USP1: variants seen among roughly 807,000 people sequenced by gnomAD.
USP1 encodes ubiquitin carboxyl-terminal hydrolase 1.
USP1 carries 18 observed loss-of-function variants against 72.2 expected under a neutral mutation model. That is an observed-to-expected ratio of 0.25 (90% CI 0.17 to 0.37). The LOEUF is 0.37. USP1 is among the 10% of genes least tolerant of loss of function. USP1 has a pLI of 1.00. For synonymous variants in USP1, 354 were observed against 303.7 expected, an observed-to-expected ratio of 1.17 and a Z score of -1.72; for missense variants, 759 against 884.9, an observed-to-expected ratio of 0.86 and a Z score of 1.81.
chr1:62,444,925 A>G lies in USP1; in HGVS notation c.745A>G (p.Ile249Val). The G allele has an allele frequency of 1.2e-6, 2 of 1,613,824 alleles. No homozygotes were observed. The highest frequency in any genetic ancestry group is 2.2e-5 in the South Asian group (2 of 91,062). ...AGAGGAAATGAATGGTATTAACAGCATAGAGATGGACAGTATGAGGCATTC... is the reference window on the plus strand; with the variant it reads ...AGAGGAAATGAATGGTATTAACAGCGTAGAGATGGACAGTATGAGGCATTC... The part of the protein sequence containing the change: ...PKEEMNGINS[I>V]EMDSMRHSED... The change falls in exon 6 of 9, where the codon ATA (isoleucine) becomes GTA (valine). Residue 249 changes from isoleucine (I) to valine (V), a missense_variant. Ile to Val is a conservative substitution (Grantham distance 29, BLOSUM62 3). Transcript: ENST00000339950.
In USP1 at chr1:62,445,144, A is replaced by G; in HGVS notation, c.964A>G (p.Ile322Val). 1.9e-6 allele frequency: 3 copies of G among 1,613,658 alleles called. No individual in the cohort carries two copies. The highest frequency in any genetic ancestry group is 2.5e-6 in the Non-Finnish European group (3 of 1,179,884). Reference sequence around the variant, plus strand: ...TCCTCCTAAAATAATTCCCAAGTATATTTCTGAAAATGAGAGTCCAAGACC... The same window carrying G: ...TCCTCCTAAAATAATTCCCAAGTATGTTTCTGAAAATGAGAGTCCAAGACC... Reference protein sequence around the residue: ...ESPPKIIPKYISENESPRPSQ... With the variant: ...ESPPKIIPKYVSENESPRPSQ... Residue 322 changes from isoleucine to valine, a missense_variant, in exon 6 of 9, where the codon ATT becomes GTT. Ile to Val is a conservative substitution (Grantham distance 29, BLOSUM62 3). Coordinates refer to ENST00000339950, the MANE Select transcript of USP1 (RefSeq NM_003368.5).
chr1:62,438,459 C>T (rs189235262), intron 1 of USP1, among the ~76,000 whole-genome samples: 4 of 152,228 alleles, frequency 2.6e-5, no homozygotes, highest in Non-Finnish European at 5.9e-5. Flanking sequence ...GAAATGGTTT[C>T]AGTGTGCTGA....
Position 62,442,310 on chromosome 1 carries a change from TAAAG to T in USP1, c.396+14_396+17del, listed in dbSNP as rs1645139637. The T allele has an allele frequency of 2.6e-6, 4 of 1,549,776 alleles. No homozygotes were observed. Among genetic ancestry groups the T allele is most frequent in the African/African-American group, 1.4e-5 (1 of 71,992 alleles). ...AATCAAAAAGACAAGGTAAGAAAAATAAAGAACAGAAAATAATGTAAAAAGCAAA... is the reference window on the plus strand; with the variant it reads ...AATCAAAAAGACAAGGTAAGAAAAATAACAGAAAATAATGTAAAAAGCAAA... On this transcript the variant is annotated intron_variant, in intron 4 of 8. Transcript: ENST00000339950.
chr1:62,444,126 G>T (rs1053987886), intron 5 of USP1, among the ~76,000 whole-genome samples: 1 of 151,958 alleles, frequency 6.6e-6, no homozygotes, highest in African/African-American at 2.4e-5. Context: ...GGGTGTGGTG[G>T]TTTGCACCTG....
In USP1 at chr1:62,451,178, C is replaced by T. The variant is rs1414304072; in HGVS notation, c.*197C>T. ...TAGAACTCATTTTCCTCAGTAGAGA[C>T]TAGTGATGCATTAGCTTCTGGGAAC... On this transcript the variant is annotated 3_prime_UTR_variant, in exon 9 of 9. Transcript: ENST00000339950. 1.8e-4 allele frequency: 90 copies of T among 498,604 alleles called. No individual in the cohort carries two copies. The highest frequency in any genetic ancestry group is 3.2e-6 in the Non-Finnish European group (1 of 308,476). 30.9% of individuals were successfully genotyped at this position (498,604 alleles called of 1,614,324 possible).
At chr1:62,443,009 A>G (rs1645144322) in intron 4 of USP1, 150 bp from the exon 5 acceptor site, 2 of 849,606 alleles carry the variant, frequency 2.4e-6, no homozygotes, top group South Asian at 2.2e-5. Context: ...AAATAAAAAA[A>G]TAAAAAATAA....
rs199623389 is a variant in USP1 at position 62,444,654 on chromosome 1, CCT to C, written c.558-83_558-82del. 1.7e-3 allele frequency: 1,788 copies of C among 1,069,034 alleles called. 28 individuals carry two copies. Among genetic ancestry groups the C allele is most frequent in the East Asian group, 0.013 (460 of 34,864 alleles). The allele number at this position is 1,069,034 out of a possible 1,614,324, so 66.2% of individuals were successfully genotyped here. On this transcript the variant is annotated intron_variant, in intron 5 of 8. Coordinates refer to ENST00000339950, the MANE Select transcript of USP1 (RefSeq NM_003368.5). ...AAAAAATGAAATAATTTATGATTTT[CCT>C]TACATGAATTAATTTCTATATAGGC...
In USP1 at chr1:62,450,347, G is replaced by C. The variant is rs1557559161; in HGVS notation, c.1724G>C (p.Ser575Thr). 6.2e-7 allele frequency: 1 copy of C among 1,614,020 alleles called. No homozygotes were observed. The highest frequency in any genetic ancestry group is 8.5e-7 in the Non-Finnish European group (1 of 1,180,024). Residue 575 changes from serine to threonine, a missense_variant, in exon 9 of 9, where the codon AGC (serine) becomes ACC (threonine). Ser to Thr is a moderately conservative substitution (Grantham distance 58, BLOSUM62 1). Transcript: ENST00000339950. ...TGGAGCACAAAGCCAACTAACGACA[G>C]CTATGGATTATTTGCGGTTGTGATG... ...EEWSTKPTNDSYGLFAVVMHS... is the reference protein window; with the variant it reads ...EEWSTKPTNDTYGLFAVVMHS...
At chr1:62,438,848 G>A (rs660642) in intron 1 of USP1, among the ~76,000 whole-genome samples, 2,451 of 152,256 alleles carry the variant, frequency 0.016, 71 homozygotes, top group African/African-American at 0.056. Context: ...AACGAGTATT[G>A]TGGTTTCTAG....
In USP1 at chr1:62,444,920, A is replaced by G; in HGVS notation, c.740A>G (p.Asn247Ser). 6.2e-7 allele frequency: 1 copy of G among 1,613,818 alleles called. No individual in the cohort carries two copies. The highest frequency in any genetic ancestry group is 8.5e-7 in the Non-Finnish European group (1 of 1,179,844). Reference protein sequence around the residue: ...PHPKEEMNGINSIEMDSMRHS... With the variant: ...PHPKEEMNGISSIEMDSMRHS... ...CCGAAAGAGGAAATGAATGGTATTAACAGCATAGAGATGGACAGTATGAGG... is the reference window on the plus strand; with the variant it reads ...CCGAAAGAGGAAATGAATGGTATTAGCAGCATAGAGATGGACAGTATGAGG... The change falls in exon 6 of 9, where the codon AAC (asparagine) becomes AGC (serine). Residue 247 changes from asparagine (N) to serine (S), a missense_variant. Asn to Ser is a conservative substitution (Grantham distance 46). This residue lies in a region of USP1 where 245 missense variants were observed against 240.7 expected (regional missense o/e 1.02). Transcript: ENST00000339950.
intron 4 of USP1, among the ~76,000 whole-genome samples, chr1:62,442,944 G>A (rs960865379): frequency 2.6e-5 from 4 of 152,144 alleles, no homozygotes; most frequent in African/African-American, 9.7e-5. Flanking sequence ...TGAGGCTCCA[G>A]TGAGCCGCGA....
At position 62,450,222 on chromosome 1, in the gene USP1, CCTTTT is replaced by C; in HGVS notation, c.1623-18_1623-14del. 1 of 1,582,262 alleles carries C rather than the reference CCTTTT, an allele frequency of 6.3e-7. No individual in the cohort carries two copies. The highest frequency in any genetic ancestry group is 1.2e-5 in the South Asian group (1 of 86,208). On this transcript the variant is annotated intron_variant, in intron 8 of 8. Coordinates refer to ENST00000339950, the MANE Select transcript of USP1 (RefSeq NM_003368.5). ...GAATTTAAAATAGAACTGCAGGAAA[CCTTTT>C]CTTTTTTTCCTCCCAAAGGTTTGAT...
intron 2 of USP1, among the ~76,000 whole-genome samples, chr1:62,441,091 ATCTT>A (rs2149204590): frequency 6.6e-6 from 1 of 152,100 alleles, no homozygotes; most frequent in African/African-American, 2.4e-5. Context: ...TATTAATAGA[ATCTT>A]ACTTAGTGCA....
At chr1:62,448,721 G>C in intron 8 of USP1, 55 bp downstream of exon 8, 1 of 1,541,436 alleles carries the variant, frequency 6.5e-7, no homozygotes, top group Non-Finnish European at 8.9e-7. Flanking sequence ...TAGAAGATAA[G>C]TCTTGTTCAA....
intron 5 of USP1, among the ~76,000 whole-genome samples, 164 bp from the exon 6 acceptor site, chr1:62,444,573 CT>C (rs1191035153): frequency 3.3e-5 from 5 of 152,070 alleles, no homozygotes; most frequent in African/African-American, 1.2e-4. Flanking sequence ...TTTACTCTTA[CT>C]TTTAGTTACA....
In USP1 at chr1:62,450,705, G is replaced by A. The variant is rs755590424; in HGVS notation, c.2082G>A (p.Ala694=). The change falls in exon 9 of 9, where the codon GCG becomes GCA. Residue 694 remains alanine (A), a synonymous_variant. Transcript: ENST00000339950. ...ATCCTGATAAGGTTGCTAGTACAGC[G>A]TTTGCTGAAAATAGAAATTCTGAGA... is the stretch of plus-strand genomic sequence containing the variant. ...ASNPDKVAST[A]FAENRNSETS... 58 of 1,613,960 alleles carry A rather than the reference G, an allele frequency of 3.6e-5. No individual in the cohort carries two copies. The highest frequency in any genetic ancestry group is 1.9e-4 in the South Asian group (17 of 91,060).
At chr1:62,444,174 G>T (rs919185463) in intron 5 of USP1, among the ~76,000 whole-genome samples, 1 of 149,784 alleles carries the variant, frequency 6.7e-6, no homozygotes, top group Non-Finnish European at 1.5e-5. Flanking sequence ...CAGGAGAATC[G>T]CTTGAACCCG....
rs1168830976 is a variant in USP1, at chr1:62,445,435, T to TATA, written c.1249+9_1249+11dup. 6.6e-7 allele frequency: 1 copy of TATA among 1,525,826 alleles called. No individual in the cohort carries two copies. 94.5% of individuals were successfully genotyped at this position (1,525,826 alleles called of 1,614,324 possible). On this transcript the variant is annotated splice_region_variant and intron_variant, in intron 6 of 8. Coordinates refer to ENST00000339950, the MANE Select transcript of USP1 (RefSeq NM_003368.5). ...AGTTAAACCCATAAACAAAGGTTAG[T>TATA]ATAATTCTTAGACTTTGATAGGTAG...
rs374935151 is a variant in USP1, at chr1:62,450,740, C to G, written c.2117C>G (p.Thr706Ser). ...AENRNSETSD[T>S]TGTHESDRNK... ...AATAGAAATTCTGAGACTAGTGATACTACTGGGACCCATGAATCTGATAGA... is the reference window on the plus strand; with the variant it reads ...AATAGAAATTCTGAGACTAGTGATAGTACTGGGACCCATGAATCTGATAGA... The change falls in exon 9 of 9, where the codon ACT (threonine) becomes AGT (serine). Residue 706 changes from threonine (T) to serine (S), a missense_variant. Coordinates refer to ENST00000339950, the MANE Select transcript of USP1 (RefSeq NM_003368.5). 2 of 1,613,822 alleles carry G rather than the reference C, an allele frequency of 1.2e-6. No individual in the cohort carries two copies. Among genetic ancestry groups the G allele is most frequent in the African/African-American group, 1.3e-5 (1 of 74,978 alleles).
Sources: allele counts gnomAD v4.1 joint callset (sites outside exome capture counted in the v4.1 genomes callset), GRCh38; gene constraint gnomAD v4.1.1; regional missense constraint gnomAD v4.1.1; transcripts MANE v1.5; gene names NCBI Gene and HGNC (gene_info 2026-07-23, HGNC 2026-07-21).